KCNK10: variants seen among roughly 807,000 people sequenced by gnomAD.
KCNK10 encodes potassium channel subfamily K member 10.
In KCNK10, 25 loss-of-function variants were observed where a neutral mutation model predicts 47.7. That is an observed-to-expected ratio of 0.52 (90% CI 0.38 to 0.73). KCNK10 has a LOEUF of 0.73. Ranked by LOEUF, KCNK10 falls within the 30% of genes least tolerant of loss-of-function variation. The pLI, the probability that KCNK10 is intolerant of heterozygous loss-of-function variation, is 0.00. For missense variants in KCNK10, 563 were observed against 714.5 expected (o/e 0.79, Z 2.42); for synonymous variants, 303 against 285.6 (o/e 1.06, Z -0.61).
chr14:88,183,599 C>T lies in KCNK10; in HGVS notation c.*1936G>A, dbSNP rs914054643. On this transcript the variant is annotated 3_prime_UTR_variant, in exon 7 of 7. Coordinates refer to ENST00000319231, the MANE Select transcript of KCNK10 (RefSeq NM_138317.3). ...GTGACTATTTATTACTGAGTCGACA[C>T]AGGATGTCACCAGTGAGCCTCATCT... 6.6e-6 allele frequency: 1 copy of T among 152,370 alleles called. No homozygotes were observed. The highest frequency in any genetic ancestry group is 1.5e-5 in the Non-Finnish European group (1 of 68,052). 9.4% of individuals were successfully genotyped at this position (152,370 alleles called of 1,614,324 possible). A position where few individuals can be genotyped will look rare whatever the true frequency, so the allele number is the denominator to read the frequency against.
intron 1 of KCNK10, among the ~76,000 whole-genome samples, chr14:88,316,449 G>A (rs941663868): frequency 8.5e-5 from 13 of 152,140 alleles, no homozygotes; most frequent in African/African-American, 2.7e-4. Context: ...TAAAGTCTCC[G>A]CTGAGAGTAC....
At chr14:88,282,093 A>G (rs1312113409) in intron 1 of KCNK10, among the ~76,000 whole-genome samples, 2 of 152,174 alleles carry the variant, frequency 1.3e-5, no homozygotes, top group Non-Finnish European at 2.9e-5. Flanking sequence ...ATTGGAGGGC[A>G]TTTAATAAAT....
intron 4 of KCNK10, among the ~76,000 whole-genome samples, chr14:88,194,132 GA>G (rs369517647): frequency 8.6e-5 from 13 of 151,120 alleles, no homozygotes; most frequent in African/African-American, 2.4e-4. Flanking sequence ...GAAGCCATCT[GA>G]AAAAAAAATT....
intron 1 of KCNK10, among the ~76,000 whole-genome samples, chr14:88,309,724 C>A (rs963325085): frequency 2.0e-5 from 3 of 152,000 alleles, no homozygotes; most frequent in Non-Finnish European, 4.4e-5. Context: ...GCTTTGTCCT[C>A]TTTTTGCTGT....
chr14:88,238,504 C>G (rs923479467), intron 3 of KCNK10, among the ~76,000 whole-genome samples: 2 of 152,048 alleles, frequency 1.3e-5, no homozygotes, highest in African/African-American at 4.8e-5. Context: ...AACCCCATCT[C>G]TAGAAAAAAA....
chr14:88,321,280 T>C (rs963598903), intron 1 of KCNK10, among the ~76,000 whole-genome samples: 1 of 152,224 alleles, frequency 6.6e-6, no homozygotes, highest in African/African-American at 2.4e-5. Context: ...TAAGTCCAAG[T>C]GTCATGTCCT....
chr14:88,306,197 A>G (rs1389276892), intron 1 of KCNK10, among the ~76,000 whole-genome samples: 1 of 152,148 alleles, frequency 6.6e-6, no homozygotes, highest in Non-Finnish European at 1.5e-5. Context: ...CTTCCATGAA[A>G]TCCATGGTAG....
chr14:88,326,571 G>A, upstream of KCNK10: 1 of 781,004 alleles, frequency 1.3e-6, no homozygotes, highest in Admixed American at 2.6e-5. Flanking sequence ...CGTTCCTGCG[G>A]CAGGAAAACA....
intron 2 of KCNK10, among the ~76,000 whole-genome samples, chr14:88,241,286 G>A (rs767935759): frequency 1.2e-4 from 19 of 152,216 alleles, no homozygotes; most frequent in African/African-American, 4.1e-4. Context: ...GGCTGTGGCC[G>A]TTATTAACTT....
intron 1 of KCNK10, among the ~76,000 whole-genome samples, chr14:88,290,517 A>G (rs528311294): frequency 6.6e-6 from 1 of 152,236 alleles, no homozygotes; most frequent in South Asian, 2.1e-4. Flanking sequence ...TGTGCCAGGC[A>G]CTGTGTACAT....
At chr14:88,216,211 A>C (rs1312375733) in intron 4 of KCNK10, among the ~76,000 whole-genome samples, 1 of 152,206 alleles carries the variant, frequency 6.6e-6, no homozygotes, top group Non-Finnish European at 1.5e-5. Context: ...GAGAGTTCTG[A>C]GTCGGAATGG....
Position 88,287,674 on chromosome 14 carries a change from GGTGTGTGTGTGTGTGT to G in KCNK10, c.53-24139_53-24124del, listed in dbSNP as rs199702993. Among the ~76,000 whole-genome samples, 1,332 of 141,616 alleles carry G rather than the reference GGTGTGTGTGTGTGTGT, an allele frequency of 9.4e-3. 7 individuals are homozygous for G. The highest frequency in any genetic ancestry group is 0.014 in the East Asian group (66 of 4,872). 92.9% of individuals were successfully genotyped at this position (141,616 alleles called of 152,430 possible). Reference sequence around the variant, plus strand: ...TTTTTATGGCTGAATAGTATTCCATGGTGTGTGTGTGTGTGTGTGTGTGTGTGTGTGTGTGTGTGTG... The same window carrying G: ...TTTTTATGGCTGAATAGTATTCCATGGTGTGTGTGTGTGTGTGTGTGTGTG... On this transcript the variant is annotated intron_variant, in intron 1 of 6. Coordinates refer to ENST00000319231, the MANE Select transcript of KCNK10 (RefSeq NM_138317.3).
chr14:88,246,748 TGG>T lies in KCNK10; in HGVS notation c.403-5930_403-5929del, dbSNP rs1318697142. ...TTACTCTTGCAACAGGGAAAGTTCTTGGATAAAGCGGTAACCATTCAGCCTTG... is the reference window on the plus strand; with the variant it reads ...TTACTCTTGCAACAGGGAAAGTTCTTATAAAGCGGTAACCATTCAGCCTTG... On this transcript the variant is annotated intron_variant, in intron 2 of 6. Transcript: ENST00000319231. 2.0e-5 allele frequency among the ~76,000 whole-genome samples: 3 copies of T among 152,338 alleles called. No homozygotes were observed. The South Asian group carries it at 6.2e-4, about 32-fold the overall frequency.
At position 88,185,271 on chromosome 14, in the gene KCNK10, C is replaced by G. The variant is rs1884503634; in HGVS notation, c.*264G>C. On this transcript the variant is annotated 3_prime_UTR_variant, in exon 7 of 7. Coordinates refer to ENST00000319231, the MANE Select transcript of KCNK10 (RefSeq NM_138317.3). This position sits in a 1 kb window ranked among gnomAD's most constrained non-coding sequence, Gnocchi z 4.3. The stretch of plus-strand genomic sequence containing the variant: ...GGGGTACAGCACTGCCACTGAAATG[C>G]CCTTAACATGTACGGCCAGAACCGG... 1 of 448,078 alleles carries G rather than the reference C, an allele frequency of 2.2e-6. No individual in the cohort carries two copies. Among genetic ancestry groups the G allele is most frequent in the South Asian group, 2.5e-5 (1 of 40,782 alleles). The allele number at this position is 448,078 out of a possible 1,614,324, so 27.8% of individuals were successfully genotyped here.
chr14:88,307,079 G>T (rs1300045116), intron 1 of KCNK10, among the ~76,000 whole-genome samples: 1 of 152,206 alleles, frequency 6.6e-6, no homozygotes, highest in Admixed American at 6.5e-5. Flanking sequence ...CCAGAGACCA[G>T]TGAGTGGATG....
At chr14:88,225,513 A>C (rs1044958801) in intron 4 of KCNK10, among the ~76,000 whole-genome samples, 2 of 152,348 alleles carry the variant, frequency 1.3e-5, no homozygotes, top group East Asian at 1.9e-4. Flanking sequence ...TCGGAAATTC[A>C]TTAGGGGAGA....
chr14:88,286,378 G>GCATCTATATTGTGATAGAGGCATT (rs1268244633), intron 1 of KCNK10, among the ~76,000 whole-genome samples: 2 of 152,108 alleles, frequency 1.3e-5, no homozygotes, highest in Non-Finnish European at 2.9e-5. Flanking sequence ...ACTTATTGCT[G>GCATCTATATTGTGATAGAGGCATT]CATCTATATT....
intron 1 of KCNK10, among the ~76,000 whole-genome samples, chr14:88,313,686 C>G (rs1888372648): frequency 6.6e-6 from 1 of 152,218 alleles, no homozygotes; most frequent in African/African-American, 2.4e-5. Context: ...AACATCTGAC[C>G]ACAATCAATG....
chr14:88,286,312 C>A (rs1330588079), intron 1 of KCNK10, among the ~76,000 whole-genome samples: 1 of 152,114 alleles, frequency 6.6e-6, no homozygotes, highest in Non-Finnish European at 1.5e-5. Flanking sequence ...ATTATCTGAG[C>A]ATAATAAAAT....
Sources: gnomAD v4.1 joint callset for allele counts (sites outside exome capture counted in the v4.1 genomes callset) on GRCh38, gnomAD v4.1.1 for gene constraint, Gnocchi (gnomAD v3.1) non-coding constraint, MANE v1.5 for transcripts, NCBI Gene and HGNC (gene_info 2026-07-23, HGNC 2026-07-21) for gene names.